Variants in IGF2R observed in about 807,000 individuals in gnomAD.
IGF2R encodes the protein cation-independent mannose-6-phosphate receptor.
Under a neutral mutation model 270.6 loss-of-function variants are expected in IGF2R, and 91 were observed. The observed-to-expected ratio is 0.34, with a 90% confidence interval of 0.28 to 0.40. The LOEUF is 0.40. IGF2R is among the 10% of genes least tolerant of loss of function. IGF2R has a pLI of 1.00. For synonymous variants in IGF2R, 1,316 were observed against 1,258.9 expected (o/e 1.05, Z -0.96); for missense variants, 2,805 against 3,188.3 (o/e 0.88, Z 2.90).
chr6:160,070,268 G>A (rs1778688497), intron 31 of IGF2R, among the ~76,000 whole-genome samples: 1 of 152,184 alleles, frequency 6.6e-6, no homozygotes, highest in African/African-American at 2.4e-5. Context: ...AGCTTGCCTG[G>A]CAGTTCCCGA....
chr6:160,077,634 T>C (rs971519314), intron 36 of IGF2R, among the ~76,000 whole-genome samples: 5 of 152,244 alleles, frequency 3.3e-5, no homozygotes, highest in Non-Finnish European at 5.9e-5. Flanking sequence ...GCAGTTTTCA[T>C]TTTCAATGGA....
chr6:160,021,494 A>T (rs958564221), intron 4 of IGF2R, among the ~76,000 whole-genome samples: 1 of 150,804 alleles, frequency 6.6e-6, no homozygotes, highest in Non-Finnish European at 1.5e-5. Flanking sequence ...CCTAATGCTA[A>T]ATGACGAGTT....
At chr6:159,988,512 C>CAAAAAAAAAAAAAAAAAAAAAAAAAAAA (rs59531292) in intron 1 of IGF2R, among the ~76,000 whole-genome samples, 1 of 50,478 alleles carries the variant, frequency 2.0e-5, no homozygotes. Context: ...GACTCCGTCT[C>CAAAAAAAAAAAAAAAAAAAAAAAAAAAA]AAAAAAAAAA....
chr6:160,088,987 G>A (rs1024080313), intron 42 of IGF2R, 120 bp from the exon 43 acceptor site: 63 of 1,021,368 alleles, frequency 6.2e-5, no homozygotes, highest in Non-Finnish European at 7.5e-5. Context: ...CTGAAGTCTC[G>A]CAGCACCTTG....
intron 39 of IGF2R, among the ~76,000 whole-genome samples, chr6:160,082,424 C>T (rs922360589): frequency 2.0e-5 from 3 of 151,982 alleles, no homozygotes; most frequent in African/African-American, 7.3e-5. Flanking sequence ...ATACTCCTGC[C>T]TCAGCCTCCC....
At chr6:160,042,974 C>T (rs114653874) in intron 11 of IGF2R, among the ~76,000 whole-genome samples, 174 bp from the exon 12 acceptor site, 1,719 of 152,182 alleles carry the variant, frequency 0.011, 31 homozygotes, top group African/African-American at 0.039. Context: ...CTGAGAATCT[C>T]GGTGAATTTT....
At chr6:159,975,684 T>TTTATATA (rs372803317) in intron 1 of IGF2R, among the ~76,000 whole-genome samples, 17 of 141,742 alleles carry the variant, frequency 1.2e-4, no homozygotes, top group African/African-American at 4.0e-4. Context: ...TTATATATAT[T>TTTATATA]TATATATATA....
At chr6:159,970,344 T>A (rs1264036622) in intron 1 of IGF2R, among the ~76,000 whole-genome samples, 11 of 152,220 alleles carry the variant, frequency 7.2e-5, no homozygotes, top group African/African-American at 2.7e-4. Context: ...AGTTTCTCCC[T>A]GTTACTGTTA....
chr6:160,063,462 C>A lies in IGF2R; in HGVS notation c.3718C>A (p.Leu1240Met). The change falls in exon 27 of 48, where the codon CTG (leucine) becomes ATG (methionine). Residue 1240 changes from leucine to methionine, a missense_variant. Transcript: ENST00000356956. The part of the protein sequence containing the change: ...KDPRHGNLYD[L>M]KPLGLNDTIV... ...CCCAAGGCATGGCAACTTGTATGACCTGAAGCCCCTGGGCCTCAACGACAC... is the reference window on the plus strand; with the variant it reads ...CCCAAGGCATGGCAACTTGTATGACATGAAGCCCCTGGGCCTCAACGACAC... The A allele has an allele frequency of 6.2e-7, 1 of 1,613,106 alleles. No homozygotes were observed. The highest frequency in any genetic ancestry group is 8.5e-7 in the Non-Finnish European group (1 of 1,180,026).
chr6:160,062,407 T>G (rs1366615751), intron 25 of IGF2R, 125 bp from the exon 26 acceptor site: 8 of 704,128 alleles, frequency 1.1e-5, no homozygotes, highest in Non-Finnish European at 1.8e-5. Flanking sequence ...CTCCTGAACT[T>G]GTGATCCACC....
chr6:160,024,713 C>A lies in IGF2R; in HGVS notation c.646+9C>A. 5 of 1,613,736 alleles carry A rather than the reference C, an allele frequency of 3.1e-6. No individual in the cohort carries two copies. The highest frequency in any genetic ancestry group is 4.2e-6 in the Non-Finnish European group (5 of 1,179,746). ...TGTTTGTAGAGACATAGGTATGAAT[C>A]TTTGTGGGGCTGAGGGGGTGGTGGT... On this transcript the variant is annotated intron_variant, in intron 5 of 47. Coordinates refer to ENST00000356956, the MANE Select transcript of IGF2R (RefSeq NM_000876.4).
intron 1 of IGF2R, among the ~76,000 whole-genome samples, chr6:159,990,375 G>C (rs1224207531): frequency 6.6e-6 from 1 of 152,102 alleles, no homozygotes; most frequent in African/African-American, 2.4e-5. Context: ...GAGTTCTCAC[G>C]AGATCTGATG....
intron 1 of IGF2R, among the ~76,000 whole-genome samples, chr6:159,981,587 C>T (rs1030068575): frequency 2.0e-5 from 3 of 152,186 alleles, no homozygotes; most frequent in African/African-American, 7.2e-5. Flanking sequence ...GTTTCGATAG[C>T]TCTGTGTTCC....
intron 1 of IGF2R, among the ~76,000 whole-genome samples, chr6:159,984,496 G>A (rs1783851328): frequency 6.6e-6 from 1 of 152,190 alleles, no homozygotes; most frequent in Admixed American, 6.5e-5. Flanking sequence ...AGGCAAGTGT[G>A]CCATTTTAAT....
intron 1 of IGF2R, among the ~76,000 whole-genome samples, chr6:159,986,426 GTGTGTT>G (rs1330041632): frequency 8.9e-6 from 1 of 111,956 alleles, no homozygotes; most frequent in Non-Finnish European, 1.8e-5. Flanking sequence ...GTGTGTGTGT[GTGTGTT>G]TTTTTTTTTT....
At chr6:159,971,655 T>C (rs1035142154) in intron 1 of IGF2R, among the ~76,000 whole-genome samples, 5 of 152,336 alleles carry the variant, frequency 3.3e-5, no homozygotes, top group Admixed American at 6.5e-5. Flanking sequence ...GTTCCTGTTT[T>C]ATAATTTTTT....
intron 30 of IGF2R, 120 bp downstream of exon 30, chr6:160,068,505 G>A (rs1441770393): frequency 1.3e-6 from 2 of 1,487,164 alleles, no homozygotes; most frequent in East Asian, 2.3e-5. Flanking sequence ...GGCTGGCACT[G>A]GTGAGAGAGG....
chr6:160,068,094 G>A (rs1432622638), intron 29 of IGF2R, among the ~76,000 whole-genome samples, 155 bp from the exon 30 acceptor site: 2 of 151,970 alleles, frequency 1.3e-5, no homozygotes, highest in Non-Finnish European at 2.9e-5. Flanking sequence ...GTGTGTGTGT[G>A]TGTGTGTGTG....
At chr6:159,989,204 G>C (rs2115181727) in intron 1 of IGF2R, among the ~76,000 whole-genome samples, 1 of 152,300 alleles carries the variant, frequency 6.6e-6, no homozygotes, top group East Asian at 1.9e-4. Context: ...AGGGGGGTTT[G>C]ATGGGTTCCC....
Sources: gnomAD v4.1 joint callset for allele counts (sites outside exome capture counted in the v4.1 genomes callset) on GRCh38, gnomAD v4.1.1 for gene constraint, MANE v1.5 for transcripts, NCBI Gene and HGNC (gene_info 2026-07-23, HGNC 2026-07-21) for gene names.